MRPS28: variants seen among roughly 807,000 people sequenced by gnomAD.
The protein encoded by MRPS28 is mitochondrial ribosomal protein S28, also known as small ribosomal subunit protein bS1m.
Under a neutral mutation model 10.8 loss-of-function variants are expected in MRPS28, and 7 were observed. That is an observed-to-expected ratio of 0.65 (90% CI 0.37 to 1.22). MRPS28 has a LOEUF of 1.22. MRPS28 is among the 50% of genes most tolerant of loss of function. MRPS28 has a pLI of 0.02. For synonymous variants in MRPS28, 121 were observed against 93.3 expected (o/e 1.30, Z -1.71); for missense variants, 265 against 232.9 (o/e 1.14, Z -0.90).
chr8:80,014,676 G>A (rs749342489), intron 1 of MRPS28, among the ~76,000 whole-genome samples: 10 of 152,136 alleles, frequency 6.6e-5, no homozygotes, highest in Non-Finnish European at 1.3e-4. Flanking sequence ...CATATGTAAA[G>A]CACTCAAATA....
In MRPS28 at chr8:79,953,592, A is replaced by G. The variant is rs764780559; in HGVS notation, c.396-34444T>C. ...AGGTGGATTTTAGAGTTGAATATAA[A>G]TGGTTAAACAATAAAACTTCTAAAA... On this transcript the variant is annotated intron_variant, in intron 2 of 2. Coordinates refer to ENST00000276585, the MANE Select transcript of MRPS28 (RefSeq NM_014018.3). Among the ~76,000 whole-genome samples the G allele has an allele frequency of 1.2e-4, 19 of 152,350 alleles. No individual in the cohort carries two copies. In the East Asian group the frequency reaches 2.5e-3, roughly 20 times the overall value.
At chr8:79,949,370 C>T (rs1447970744) in intron 2 of MRPS28, among the ~76,000 whole-genome samples, 4 of 150,794 alleles carry the variant, frequency 2.7e-5, no homozygotes, top group Admixed American at 6.6e-5. Flanking sequence ...GCCGAGATTG[C>T]GCCACTGCAC....
intron 2 of MRPS28, among the ~76,000 whole-genome samples, chr8:79,962,618 C>T (rs1296816578): frequency 6.6e-6 from 1 of 151,994 alleles, no homozygotes; most frequent in East Asian, 1.9e-4. Context: ...AAAAGTAATC[C>T]AATAGATTTT....
chr8:80,006,039 G>A (rs1368536978), intron 1 of MRPS28, among the ~76,000 whole-genome samples: 1 of 152,166 alleles, frequency 6.6e-6, no homozygotes, highest in Non-Finnish European at 1.5e-5. Context: ...AATAATGGGA[G>A]ACTTTAACAC....
chr8:80,015,021 G>A (rs763560640), intron 1 of MRPS28, among the ~76,000 whole-genome samples: 33 of 152,276 alleles, frequency 2.2e-4, no homozygotes, highest in Non-Finnish European at 1.6e-4. Flanking sequence ...AACCAGTGCC[G>A]AGGTAGGGAA....
At chr8:79,950,497 T>C (rs1057246004) in intron 2 of MRPS28, among the ~76,000 whole-genome samples, 1 of 152,154 alleles carries the variant, frequency 6.6e-6, no homozygotes, top group African/African-American at 2.4e-5. Flanking sequence ...TGCATGATGA[T>C]TCTTTCAATG....
intron 2 of MRPS28, among the ~76,000 whole-genome samples, chr8:79,971,075 T>G (rs1456680746): frequency 6.6e-6 from 1 of 152,214 alleles, no homozygotes; most frequent in African/African-American, 2.4e-5. Context: ...CAAATCAGCA[T>G]GCCAGCAATT....
intron 2 of MRPS28, among the ~76,000 whole-genome samples, chr8:79,936,906 G>A (rs1011417493): frequency 1.3e-5 from 2 of 152,052 alleles, no homozygotes; most frequent in African/African-American, 4.8e-5. Flanking sequence ...TATTGCCCAG[G>A]CTGGGGTGCA....
chr8:79,956,478 CT>C (rs747192682), intron 2 of MRPS28: 6 of 152,114 alleles, frequency 3.9e-5, no homozygotes, highest in African/African-American at 1.4e-4. Flanking sequence ...AATTTAAATA[CT>C]TTTTTTAACT....
At chr8:79,958,143 G>A (rs994959553) in intron 2 of MRPS28, 7 of 461,358 alleles carry the variant, frequency 1.5e-5, no homozygotes, top group African/African-American at 1.2e-4. Flanking sequence ...AAGAAACCCT[G>A]TACTCATTAG....
chr8:79,994,069 T>C (rs1297807327), intron 2 of MRPS28, among the ~76,000 whole-genome samples: 2 of 152,200 alleles, frequency 1.3e-5, no homozygotes, highest in Non-Finnish European at 1.5e-5. Flanking sequence ...ATAGAGACAA[T>C]GCTTTAAAAG....
At chr8:79,993,881 A>G (rs1217554891) in intron 2 of MRPS28, among the ~76,000 whole-genome samples, 8 of 152,222 alleles carry the variant, frequency 5.3e-5, no homozygotes, top group African/African-American at 1.9e-4. Context: ...ATATCACACA[A>G]TCTGAAATAG....
At chr8:79,960,709 A>C (rs1047417218) in intron 2 of MRPS28, among the ~76,000 whole-genome samples, 2 of 152,118 alleles carry the variant, frequency 1.3e-5, no homozygotes, top group Non-Finnish European at 2.9e-5. Context: ...AATCTTAGGG[A>C]AATAATTTTC....
intron 2 of MRPS28, among the ~76,000 whole-genome samples, chr8:79,991,953 TCTCTCTC>T (rs1808377748): frequency 1.0e-5 from 1 of 99,402 alleles, no homozygotes; most frequent in Admixed American, 1.0e-4. Flanking sequence ...TCTCTCTCTC[TCTCTCTC>T]ATCACTTACT....
At chr8:79,999,095 AT>A (rs1808586791) in intron 2 of MRPS28, among the ~76,000 whole-genome samples, 1 of 152,214 alleles carries the variant, frequency 6.6e-6, no homozygotes, top group Admixed American at 6.5e-5. Context: ...TGATGAACAG[AT>A]TATGTAAATA....
chr8:79,925,312 T>C (rs913631875), intron 2 of MRPS28, among the ~76,000 whole-genome samples: 5 of 151,500 alleles, frequency 3.3e-5, no homozygotes, highest in African/African-American at 4.8e-5. Context: ...GGCCAAATAA[T>C]ATGTATAACT....
intron 2 of MRPS28, among the ~76,000 whole-genome samples, chr8:79,986,806 C>T (rs1808194891): frequency 2.6e-5 from 4 of 152,220 alleles, no homozygotes; most frequent in Middle Eastern, 6.8e-3. Context: ...ACATTCCATG[C>T]TCATGGGTAG....
Position 79,926,662 on chromosome 8 carries a change from T to C in MRPS28, c.396-7514A>G, listed in dbSNP as rs552055371. ...ATAAATGACAGGAGAGCAAAACTCATTGAAGGCATTCTTTGAGTTTGGGGA... is the reference window on the plus strand; with the variant it reads ...ATAAATGACAGGAGAGCAAAACTCACTGAAGGCATTCTTTGAGTTTGGGGA... On this transcript the variant is annotated intron_variant, in intron 2 of 2. Transcript: ENST00000276585. Among the ~76,000 whole-genome samples, 8 of 152,330 alleles carry C rather than the reference T, an allele frequency of 5.3e-5. No individual in the cohort carries two copies. In the South Asian group the frequency reaches 1.7e-3, roughly 32 times the overall value.
intron 1 of MRPS28, among the ~76,000 whole-genome samples, chr8:80,008,460 A>G (rs1808930021): frequency 6.6e-6 from 1 of 152,248 alleles, no homozygotes; most frequent in Non-Finnish European, 1.5e-5. Context: ...GCACAGCCAA[A>G]GAAACTACCA....
Sources: allele counts gnomAD v4.1 joint callset (sites outside exome capture counted in the v4.1 genomes callset), GRCh38; gene constraint gnomAD v4.1.1; transcripts MANE v1.5; gene names NCBI Gene and HGNC (gene_info 2026-07-23, HGNC 2026-07-21).